SLC24A2: variants seen among roughly 807,000 people sequenced by gnomAD.
SLC24A2 encodes solute carrier family 24 member 2.
In SLC24A2, 36 loss-of-function variants were observed where a neutral mutation model predicts 62.0. The ratio of observed to expected loss-of-function variants is 0.58; its 90% CI spans 0.44 to 0.77. SLC24A2 has a LOEUF of 0.77. Among genes scored for constraint, SLC24A2 ranks in the 30% least tolerant of loss-of-function variants. SLC24A2 has a pLI of 0.00. For missense variants in SLC24A2, 846 were observed against 817.9 expected, an observed-to-expected ratio of 1.03 and a Z score of -0.42; for synonymous variants, 358 against 294.0, an observed-to-expected ratio of 1.22 and a Z score of -2.23.
the SLC24A2 span, among the ~76,000 whole-genome samples, chr9:20,188,323 A>G: frequency 0.015 from 2,219 of 152,256 alleles, 63 homozygotes; most frequent in African/African-American, 0.05. Context: ...GGAGTGGGCC[A>G]GCCTTAACAA....
chr9:19,826,346 T>G, the SLC24A2 span, among the ~76,000 whole-genome samples: 1 of 152,084 alleles, frequency 6.6e-6, no homozygotes, highest in Non-Finnish European at 1.5e-5. Context: ...GAATGGGATA[T>G]CCAAGTGTAG....
intron 2 of SLC24A2, among the ~76,000 whole-genome samples, chr9:19,700,884 C>T (rs1322276659): frequency 1.3e-5 from 2 of 152,120 alleles, no homozygotes; most frequent in Non-Finnish European, 2.9e-5. Context: ...TACTGCTATT[C>T]TAAGAAATGC....
the SLC24A2 span, among the ~76,000 whole-genome samples, chr9:20,116,987 T>C: frequency 6.6e-6 from 1 of 152,130 alleles, no homozygotes; most frequent in African/African-American, 2.4e-5. Flanking sequence ...GTATGATCTT[T>C]CCACTCAACC....
At chr9:19,736,043 A>C (rs1821501039) in intron 2 of SLC24A2, among the ~76,000 whole-genome samples, 2 of 152,184 alleles carry the variant, frequency 1.3e-5, no homozygotes, top group Admixed American at 1.3e-4. Context: ...AGTAACGCAA[A>C]CAGTGGGAGA....
chr9:20,032,364 A>C, the SLC24A2 span, among the ~76,000 whole-genome samples: 1 of 152,198 alleles, frequency 6.6e-6, no homozygotes, highest in African/African-American at 2.4e-5. Context: ...GAAAAGAAGG[A>C]TGATGATTTA....
chr9:19,679,085 A>G (rs145333223), intron 2 of SLC24A2, among the ~76,000 whole-genome samples: 1 of 152,278 alleles, frequency 6.6e-6, no homozygotes, highest in African/African-American at 2.4e-5. Context: ...CATTGAGAAA[A>G]GGGACCTGGC....
the SLC24A2 span, among the ~76,000 whole-genome samples, chr9:20,295,628 C>T: frequency 6.6e-6 from 1 of 152,004 alleles, no homozygotes; most frequent in East Asian, 1.9e-4. Context: ...GTGAACTGGT[C>T]TTCCACTGAA....
chr9:19,672,496 T>C (rs75404380), intron 2 of SLC24A2, among the ~76,000 whole-genome samples: 4,919 of 146,500 alleles, frequency 0.034, 1,078 homozygotes, highest in African/African-American at 0.13. Flanking sequence ...CAGGTTTTAG[T>C]TTCATTTATC....
At chr9:19,997,572 A>C in the SLC24A2 span, among the ~76,000 whole-genome samples, 4 of 152,164 alleles carry the variant, frequency 2.6e-5, no homozygotes, top group Non-Finnish European at 5.9e-5. Context: ...AACAACAGAA[A>C]GGGAAACCCC....
At chr9:20,221,714 A>G in the SLC24A2 span, among the ~76,000 whole-genome samples, 1 of 152,068 alleles carries the variant, frequency 6.6e-6, no homozygotes, top group Non-Finnish European at 1.5e-5. Context: ...AGATGTTTAA[A>G]GCTCTCAGAG....
chr9:19,853,386 G>A, the SLC24A2 span, among the ~76,000 whole-genome samples: 5 of 151,912 alleles, frequency 3.3e-5, no homozygotes, highest in African/African-American at 4.8e-5. Context: ...ATCTTGTGCC[G>A]GTTTTCAAGG....
chr9:19,935,236 G>A, the SLC24A2 span, among the ~76,000 whole-genome samples: 1 of 151,502 alleles, frequency 6.6e-6, no homozygotes, highest in African/African-American at 2.4e-5. Context: ...GGTGGGGTGT[G>A]TGTGTTAAAG....
chr9:20,059,172 G>T, the SLC24A2 span, among the ~76,000 whole-genome samples: 1 of 152,208 alleles, frequency 6.6e-6, no homozygotes, highest in Non-Finnish European at 1.5e-5. Flanking sequence ...AAGATGAGAA[G>T]ATTATCCTGG....
chr9:19,714,421 G>C (rs886185720), intron 2 of SLC24A2, among the ~76,000 whole-genome samples: 1 of 151,616 alleles, frequency 6.6e-6, no homozygotes, highest in Non-Finnish European at 1.5e-5. Context: ...GGGTTATCTT[G>C]ATTCTTTAAA....
the SLC24A2 span, among the ~76,000 whole-genome samples, chr9:20,120,104 A>T: frequency 1.4e-4 from 22 of 152,238 alleles, no homozygotes; most frequent in East Asian, 2.7e-3. Context: ...CACCAGCAAC[A>T]TTGTATCTCT....
chr9:20,052,322 G>A, the SLC24A2 span, among the ~76,000 whole-genome samples: 3 of 152,258 alleles, frequency 2.0e-5, no homozygotes, highest in Admixed American at 6.5e-5. Context: ...AAGCTACTAG[G>A]TGGCAAAGAC....
the SLC24A2 span, among the ~76,000 whole-genome samples, chr9:19,817,359 C>A: frequency 6.6e-6 from 1 of 151,762 alleles, no homozygotes. Context: ...AGTATAACAT[C>A]AGAACAGAAA....
the SLC24A2 span, among the ~76,000 whole-genome samples, chr9:20,006,885 G>T: frequency 2.0e-5 from 3 of 152,102 alleles, no homozygotes; most frequent in Admixed American, 2.0e-4. Context: ...TTATAAAATG[G>T]GTACACAGTG....
intron 2 of SLC24A2, among the ~76,000 whole-genome samples, chr9:19,685,201 C>T (rs949257511): frequency 6.6e-6 from 1 of 151,972 alleles, no homozygotes; most frequent in African/African-American, 2.4e-5. Flanking sequence ...CACAGCTAAC[C>T]AGAGAGGTGA....
Sources: allele counts gnomAD v4.1 joint callset (sites outside exome capture counted in the v4.1 genomes callset), GRCh38; gene constraint gnomAD v4.1.1; transcripts MANE v1.5; gene names NCBI Gene and HGNC (gene_info 2026-07-23, HGNC 2026-07-21).